Variants in PTK2B observed in about 807,000 individuals in gnomAD.
PTK2B encodes the protein protein tyrosine kinase 2 beta.
A neutral mutation model predicts 142.9 loss-of-function variants in PTK2B; 71 were observed. That is an observed-to-expected ratio of 0.50 (90% confidence interval 0.41 to 0.61). The LOEUF is 0.61. Among genes scored for constraint, PTK2B ranks in the 20% least tolerant of loss-of-function variants. PTK2B has a pLI of 0.00. For synonymous variants in PTK2B, 519 were observed against 503.4 expected (o/e 1.03, Z -0.42); for missense variants, 1,105 against 1,320.4 (o/e 0.84, Z 2.53).
intron 3 of PTK2B, among the ~76,000 whole-genome samples, chr8:27,314,733 C>T (rs1464661452): frequency 3.3e-5 from 5 of 152,216 alleles, no homozygotes; most frequent in Admixed American, 3.3e-4. Flanking sequence ...TTCCATAAAA[C>T]CCTTCATGCC....
intron 9 of PTK2B, chr8:27,431,993 G>A (rs774740260): frequency 6.5e-5 from 22 of 337,830 alleles, no homozygotes; most frequent in Non-Finnish European, 9.5e-5. Flanking sequence ...TTTTTTGTGC[G>A]ATTTTTTTTT....
intron 1 of PTK2B, among the ~76,000 whole-genome samples, chr8:27,356,756 A>G (rs1388377785): frequency 6.6e-6 from 1 of 152,258 alleles, no homozygotes; most frequent in Non-Finnish European, 1.5e-5. Context: ...GACACGGGCA[A>G]CGACCTGGAT....
chr8:27,402,997 C>T (rs183475725), intron 2 of PTK2B, among the ~76,000 whole-genome samples: 146 of 152,306 alleles, frequency 9.6e-4, no homozygotes, highest in Admixed American at 4.2e-3. Context: ...TGTGTAGTGC[C>T]TGTGTGGGGA....
At chr8:27,436,482 C>T (rs1810785213) in intron 15 of PTK2B, 134 bp downstream of exon 15, 2 of 711,606 alleles carry the variant, frequency 2.8e-6, no homozygotes, top group Non-Finnish European at 5.0e-6. Context: ...GCCTCTTGTC[C>T]ACTGGGCATG....
At chr8:27,323,250 T>G (rs1291959543), upstream of PTK2B, 3 of 152,238 alleles carry the variant, frequency 2.0e-5, no homozygotes, top group Non-Finnish European at 4.4e-5. Flanking sequence ...TGACTTCTCT[T>G]TTGTTGACAT....
intron 1 of PTK2B, among the ~76,000 whole-genome samples, chr8:27,333,428 G>A (rs62502392): frequency 0.1 from 15,962 of 152,150 alleles, 1,129 homozygotes; most frequent in South Asian, 0.25. Flanking sequence ...AGAGTGAAGA[G>A]AGCTTGAATT....
chr8:27,332,062 G>A (rs1803785178), intron 1 of PTK2B, among the ~76,000 whole-genome samples: 1 of 152,204 alleles, frequency 6.6e-6, no homozygotes, highest in African/African-American at 2.4e-5. Flanking sequence ...GTTTGGTGCT[G>A]GCAGACAGCG....
intron 2 of PTK2B, among the ~76,000 whole-genome samples, chr8:27,412,205 G>T (rs1326159944): frequency 6.6e-6 from 1 of 152,138 alleles, no homozygotes; most frequent in Non-Finnish European, 1.5e-5. Context: ...CACATAATTG[G>T]ACTCAATCTC....
At chr8:27,354,081 T>C (rs920895637) in intron 1 of PTK2B, among the ~76,000 whole-genome samples, 1 of 152,194 alleles carries the variant, frequency 6.6e-6, no homozygotes, top group Non-Finnish European at 1.5e-5. Context: ...CTCACATCTC[T>C]GGCTGTCATT....
At chr8:27,413,586 G>C (rs1809200443) in intron 2 of PTK2B, among the ~76,000 whole-genome samples, 1 of 152,226 alleles carries the variant, frequency 6.6e-6, no homozygotes, top group African/African-American at 2.4e-5. Context: ...GAAGATCTCA[G>C]CAACCTTGCT....
intron 5 of PTK2B, among the ~76,000 whole-genome samples, chr8:27,427,938 G>T (rs770602637): frequency 6.6e-6 from 1 of 152,072 alleles, no homozygotes; most frequent in Non-Finnish European, 1.5e-5. Context: ...GTTTCAGGAT[G>T]ATTCAAGCAC....
chr8:27,398,784 G>A (rs1388005945), intron 2 of PTK2B, among the ~76,000 whole-genome samples: 1 of 152,180 alleles, frequency 6.6e-6, no homozygotes, highest in African/African-American at 2.4e-5. Context: ...TAAACTCCAT[G>A]AATGTTTCCT....
chr8:27,323,727 G>A (rs1407451092), upstream of PTK2B, among the ~76,000 whole-genome samples: 1 of 152,150 alleles, frequency 6.6e-6, no homozygotes, highest in Non-Finnish European at 1.5e-5. Context: ...AGACCTGATG[G>A]CGGAGTTGGC....
chr8:27,375,206 G>T (rs977576698), intron 1 of PTK2B, among the ~76,000 whole-genome samples: 2 of 152,218 alleles, frequency 1.3e-5, no homozygotes, highest in Non-Finnish European at 2.9e-5. Flanking sequence ...AGTTTCTGGG[G>T]CAGAAGGAAG....
At chr8:27,368,824 G>T (rs17057049) in intron 1 of PTK2B, among the ~76,000 whole-genome samples, 10 of 152,270 alleles carry the variant, frequency 6.6e-5, no homozygotes, top group South Asian at 2.1e-4. Flanking sequence ...GCCACACTCT[G>T]CTCTGTCATG....
chr8:27,405,035 CCTCTCTCTCTCTCTCTCT>C (rs3076734), intron 2 of PTK2B, among the ~76,000 whole-genome samples: 52,109 of 119,916 alleles, frequency 0.43, 9,978 homozygotes, highest in Middle Eastern at 0.57. Context: ...TCTTTCTCTT[CCTCTCTCTCTCTCTCTCT>C]CTCTCTCTCT....
At position 27,434,496 on chromosome 8, in the gene PTK2B, T is replaced by C. The variant is rs772167000; in HGVS notation, c.1146-17T>C. Reference sequence around the variant, plus strand: ...GCCTCTGAGCTCACCTGGCTTCTGCTCTCTCACCTCCTACAGAAACCTGGA... The same window carrying C: ...GCCTCTGAGCTCACCTGGCTTCTGCCCTCTCACCTCCTACAGAAACCTGGA... On this transcript the variant is annotated splice_polypyrimidine_tract_variant and intron_variant, in intron 12 of 30. Transcript: ENST00000346049. The C allele has an allele frequency of 1.9e-6, 3 of 1,607,680 alleles. No individual in the cohort carries two copies. The African/African-American group carries it at 4.0e-5, about 22-fold the overall frequency.
At position 27,343,211 on chromosome 8, in the gene PTK2B, GTTGT is replaced by G. The variant is rs754084318; in HGVS notation, c.-38+17541_-38+17544del. Among the ~76,000 whole-genome samples, 11 of 152,258 alleles carry G rather than the reference GTTGT, an allele frequency of 7.2e-5. No individual in the cohort carries two copies. The East Asian group carries it at 1.7e-3, about 24-fold the overall frequency. On this transcript the variant is annotated intron_variant, in intron 1 of 30. Transcript: ENST00000346049. ...ATGATTGATCCTTCTTTGTTTGTTT[GTTGT>G]TTGTTTGTTTATTTTTTGCTCGTTC...
At position 27,359,083 on chromosome 8, in the gene PTK2B, A is replaced by G. The variant is rs532079154; in HGVS notation, c.-38+33402A>G. Among the ~76,000 whole-genome samples, 20 of 152,116 alleles carry G rather than the reference A, an allele frequency of 1.3e-4. No individual in the cohort carries two copies. In the South Asian group the frequency reaches 1.9e-3, roughly 14 times the overall value. On this transcript the variant is annotated intron_variant, in intron 1 of 30. Transcript: ENST00000346049. ...TTAGGATTATTATCTTGGACTTTGC[A>G]TACCTTCTTTTTTTTCTATTTAGAT...
Sources: allele counts gnomAD v4.1 joint callset (sites outside exome capture counted in the v4.1 genomes callset), GRCh38; gene constraint gnomAD v4.1.1; transcripts MANE v1.5; gene names NCBI Gene and HGNC (gene_info 2026-07-23, HGNC 2026-07-21).